LIMCH1: variants seen among roughly 807,000 people sequenced by gnomAD.
LIMCH1 encodes the protein LIM and calponin homology domains-containing protein 1.
LIMCH1 carries 113 observed loss-of-function variants against 176.5 expected under a neutral mutation model. That is an observed-to-expected ratio of 0.64 (90% CI 0.55 to 0.75). LIMCH1 has a LOEUF of 0.75. Ranked by LOEUF, LIMCH1 falls within the 30% of genes least tolerant of loss-of-function variation. The pLI is 0.00. For missense variants in LIMCH1, 1,674 were observed against 1,814.9 expected, an observed-to-expected ratio of 0.92 and a Z score of 1.41; for synonymous variants, 619 against 645.9, an observed-to-expected ratio of 0.96 and a Z score of 0.63.
At chr4:41,488,738 A>G (rs991615783) in intron 1 of LIMCH1, among the ~76,000 whole-genome samples, 23 of 152,210 alleles carry the variant, frequency 1.5e-4, no homozygotes, top group African/African-American at 5.5e-4. Context: ...AGTAAAAGTC[A>G]TATATGATTC....
intron 1 of LIMCH1, among the ~76,000 whole-genome samples, chr4:41,470,135 C>T (rs1399447182): frequency 6.6e-6 from 1 of 152,176 alleles, no homozygotes; most frequent in Non-Finnish European, 1.5e-5. Context: ...ACCCACTACC[C>T]ATGTATCAGT....
intron 1 of LIMCH1, among the ~76,000 whole-genome samples, chr4:41,446,099 T>A (rs2063259691): frequency 6.6e-6 from 1 of 152,236 alleles, no homozygotes; most frequent in African/African-American, 2.4e-5. Context: ...TGAGGGTTGC[T>A]GTCAGTCTAT....
chr4:41,590,610 A>C (rs1287792992), intron 1 of LIMCH1, among the ~76,000 whole-genome samples: 1 of 151,590 alleles, frequency 6.6e-6, no homozygotes, highest in Non-Finnish European at 1.5e-5. Context: ...CCCACCTCCC[A>C]TTTTCTCTTC....
At chr4:41,494,664 G>A (rs1383438777) in intron 2 of LIMCH1, 3 of 1,113,226 alleles carry the variant, frequency 2.7e-6, no homozygotes, top group Admixed American at 2.2e-5. Context: ...ATACTATCCA[G>A]TTTGGCTGTA....
intron 1 of LIMCH1, among the ~76,000 whole-genome samples, chr4:41,571,096 G>A (rs141341906): frequency 1.3e-3 from 192 of 152,186 alleles, no homozygotes; most frequent in South Asian, 7.7e-3. Flanking sequence ...AATAAAGACT[G>A]TGATTATGAT....
At chr4:41,424,114 T>C (rs924852630) in intron 1 of LIMCH1, among the ~76,000 whole-genome samples, 5 of 152,000 alleles carry the variant, frequency 3.3e-5, no homozygotes, top group African/African-American at 1.2e-4. Context: ...TTACCATGCG[T>C]ACTAGCCTTA....
chr4:41,465,859 T>C lies in LIMCH1; in HGVS notation c.97-28677T>C, dbSNP rs570346671. On this transcript the variant is annotated intron_variant, in intron 1 of 26. Coordinates refer to the LIMCH1 transcript ENST00000313860. ...TTGGAGCAAAGCCATACCCATTCGT[T>C]GTATCTATTGCCTATGCCTGTTTTC... Among the ~76,000 whole-genome samples the C allele has an allele frequency of 7.9e-5, 12 of 152,304 alleles. No homozygotes were observed. The South Asian group carries it at 2.5e-3, about 32-fold the overall frequency.
intron 21 of LIMCH1, chr4:41,670,743 G>T (rs553638545): frequency 1.9e-5 from 29 of 1,535,816 alleles, no homozygotes; most frequent in Non-Finnish European, 2.5e-5. Flanking sequence ...CCAGTGTTCC[G>T]CTTAGAGTTC....
intron 1 of LIMCH1, among the ~76,000 whole-genome samples, chr4:41,591,236 T>A (rs2087496397): frequency 6.6e-6 from 1 of 152,044 alleles, no homozygotes; most frequent in Admixed American, 6.5e-5. Flanking sequence ...TTTTTCTTTC[T>A]TTCTTTCTTG....
intron 14 of LIMCH1, among the ~76,000 whole-genome samples, chr4:41,640,648 A>G (rs2093781480): frequency 6.6e-6 from 1 of 152,258 alleles, no homozygotes; most frequent in Non-Finnish European, 1.5e-5. Context: ...CATGTGGGGA[A>G]CAAAATGAAA....
intron 27 of LIMCH1, among the ~76,000 whole-genome samples, 155 bp downstream of exon 27, chr4:41,684,673 A>G (rs111310075): frequency 2.0e-5 from 3 of 152,136 alleles, no homozygotes; most frequent in East Asian, 1.9e-4. Context: ...AACTTCTACC[A>G]TCGTGTGCTC....
chr4:41,565,900 T>C (rs1028037766), intron 1 of LIMCH1, among the ~76,000 whole-genome samples: 2 of 152,182 alleles, frequency 1.3e-5, no homozygotes, highest in African/African-American at 4.8e-5. Context: ...CAACTAACAT[T>C]TGGGGATACA....
intron 9 of LIMCH1, among the ~76,000 whole-genome samples, chr4:41,630,203 T>G (rs1006469517): frequency 6.6e-6 from 1 of 152,152 alleles, no homozygotes; most frequent in Non-Finnish European, 1.5e-5. Flanking sequence ...GGGGCTCAAG[T>G]GATCCTTCCA....
chr4:41,364,252 CAGTACATAGGAAGTGCTGTGTA>C lies in LIMCH1; in HGVS notation c.96+3321_96+3342del, dbSNP rs1375569012. Reference sequence around the variant, plus strand: ...TATTTAAAATGCTTAGAACAGTGCCCAGTACATAGGAAGTGCTGTGTAAGTATGGTTAGTAGTATTATTACCA... The same window carrying C: ...TATTTAAAATGCTTAGAACAGTGCCCAGTATGGTTAGTAGTATTATTACCA... On this transcript the variant is annotated intron_variant, in intron 1 of 26. Transcript: ENST00000313860. 3.3e-5 allele frequency among the ~76,000 whole-genome samples: 5 copies of C among 152,104 alleles called. No homozygotes were observed. The East Asian group carries it at 9.6e-4, about 29-fold the overall frequency.
At chr4:41,465,948 T>C (rs28513948) in intron 1 of LIMCH1, among the ~76,000 whole-genome samples, 67,827 of 147,596 alleles carry the variant, frequency 0.46, 17,966 homozygotes, top group African/African-American at 0.74. Context: ...GATTTACTGT[T>C]TGGCTCTTTT....
chr4:41,442,827 T>C (rs1366127383), intron 1 of LIMCH1, among the ~76,000 whole-genome samples: 1 of 152,220 alleles, frequency 6.6e-6, no homozygotes, highest in Non-Finnish European at 1.5e-5. Flanking sequence ...TACATTATTA[T>C]ACATCAGTCA....
In LIMCH1 at chr4:41,538,934, C is replaced by T. The variant is rs554287893; in HGVS notation, c.-241+584C>T. Among the ~76,000 whole-genome samples, 3 of 152,266 alleles carry T rather than the reference C, an allele frequency of 2.0e-5. No individual in the cohort carries two copies. The East Asian group carries it at 5.8e-4, about 29-fold the overall frequency. ...CCAGCCTTGCCCACTTAGTCCTTGT[C>T]CTTCATAGTCACTATTTACTGCAGG... On this transcript the variant is annotated intron_variant, in intron 1 of 31. Coordinates refer to ENST00000503057, the MANE Select transcript of LIMCH1 (RefSeq NM_001330672.2).
intron 2 of LIMCH1, among the ~76,000 whole-genome samples, chr4:41,517,835 T>C (rs1332201985): frequency 1.3e-5 from 2 of 151,676 alleles, no homozygotes; most frequent in Admixed American, 1.3e-4. Context: ...GTGCATATAC[T>C]TTCATCCAGG....
chr4:41,603,967 C>T, intron 3 of LIMCH1, 62 bp downstream of exon 3: 1 of 1,393,792 alleles, frequency 7.2e-7, no homozygotes, highest in African/African-American at 1.4e-5. Context: ...TTAGCTAATT[C>T]AGTGTTTCTC....
Sources: allele counts gnomAD v4.1 joint callset (sites outside exome capture counted in the v4.1 genomes callset), GRCh38; gene constraint gnomAD v4.1.1; transcripts MANE v1.5; gene names NCBI Gene and HGNC (gene_info 2026-07-23, HGNC 2026-07-21).